The following XKR6 variants were observed in gnomAD, a reference collection of about 807,000 sequenced individuals.
XKR6 encodes the protein XK related 6.
Under a neutral mutation model 56.7 loss-of-function variants are expected in XKR6, and 22 were observed. The observed-to-expected ratio is 0.39, with a 90% CI of 0.28 to 0.55. The LOEUF is 0.55. Among genes scored for constraint, XKR6 ranks in the 20% least tolerant of loss-of-function variants. The pLI is 0.66. For synonymous variants in XKR6, 524 were observed against 387.8 expected (o/e 1.35, Z -4.13); for missense variants, 852 against 889.0 (o/e 0.96, Z 0.53).
chr8:10,924,609 CG>C, intron 2 of XKR6, 24 bp downstream of exon 2: 1 of 1,585,042 alleles, frequency 6.3e-7, no homozygotes. Flanking sequence ...GCCGGGGTGG[CG>C]GGGCGCGGCC....
chr8:11,108,794 T>G (rs1367366467), intron 1 of XKR6: 1 of 169,144 alleles, frequency 5.9e-6, no homozygotes, highest in Non-Finnish European at 1.2e-5. Flanking sequence ...TCTTCTGGAT[T>G]GGGGCTTCCT....
chr8:11,027,112 C>T (rs1264850174), intron 1 of XKR6, among the ~76,000 whole-genome samples: 1 of 152,226 alleles, frequency 6.6e-6, no homozygotes, highest in East Asian at 1.9e-4. Flanking sequence ...TAGCCTGTTG[C>T]TCCTAGGCTA....
At chr8:11,114,539 T>C (rs573355869) in intron 1 of XKR6, among the ~76,000 whole-genome samples, 2 of 152,280 alleles carry the variant, frequency 1.3e-5, no homozygotes, top group Non-Finnish European at 2.9e-5. Context: ...TCTTGTATTT[T>C]TAGTAGACAC....
At chr8:11,127,058 G>T (rs1046335387) in intron 1 of XKR6, among the ~76,000 whole-genome samples, 2 of 152,078 alleles carry the variant, frequency 1.3e-5, no homozygotes, top group African/African-American at 2.4e-5. Context: ...TTACAACAGG[G>T]TTATACTCTA....
chr8:11,156,785 C>A (rs1801542540), intron 1 of XKR6, among the ~76,000 whole-genome samples: 1 of 151,962 alleles, frequency 6.6e-6, no homozygotes, highest in Non-Finnish European at 1.5e-5. Context: ...TAAATACTCC[C>A]CAGTCCAGGA....
At position 10,898,133 on chromosome 8, in the gene XKR6, C is replaced by G. The variant is rs780479544; in HGVS notation, c.1745G>C (p.Gly582Ala). 9.3e-6 allele frequency: 15 copies of G among 1,614,026 alleles called. No homozygotes were observed. Among genetic ancestry groups the G allele is most frequent in the Non-Finnish European group, 1.3e-5 (15 of 1,179,972 alleles). ...TGGCATGTCAATCTTAATGAGGGGC[C>G]CTTCTGGGAGGTAAGGACGCCCCAA... ...TPLGRPYLPE[G>A]PLIKIDMPRK... The change falls in exon 3 of 3, where the codon GGG becomes GCG. Residue 582 changes from glycine (G) to alanine (A), a missense_variant. This residue lies in a region of XKR6 where 197 missense variants were observed against 190.9 expected (regional missense o/e 1.03). Coordinates refer to ENST00000416569, the MANE Select transcript of XKR6 (RefSeq NM_173683.4). This position sits in a 1 kb window ranked among gnomAD's most constrained non-coding sequence, Gnocchi z 6.6.
At chr8:11,163,698 C>G (rs942000315) in intron 1 of XKR6, among the ~76,000 whole-genome samples, 2 of 152,202 alleles carry the variant, frequency 1.3e-5, no homozygotes, top group African/African-American at 4.8e-5. Context: ...TTCTACCGCA[C>G]TGACTTTGTG....
chr8:11,007,012 T>C (rs973313952), intron 1 of XKR6, among the ~76,000 whole-genome samples: 1 of 152,174 alleles, frequency 6.6e-6, no homozygotes, highest in Non-Finnish European at 1.5e-5. Flanking sequence ...TTCTGGGTAA[T>C]GGACCCCAAG....
rs979549481 is a variant in XKR6 at position 11,127,143 on chromosome 8, C to T, written c.764+73433G>A. ...ATCACTTTCATGAATAACCAACTCCCTTCCGGCAATCCCACTTCTTAACGA... is the reference window on the plus strand; with the variant it reads ...ATCACTTTCATGAATAACCAACTCCTTTCCGGCAATCCCACTTCTTAACGA... On this transcript the variant is annotated intron_variant, in intron 1 of 2. Transcript: ENST00000416569. 2.6e-5 allele frequency among the ~76,000 whole-genome samples: 4 copies of T among 152,158 alleles called. No homozygotes were observed. In the East Asian group the frequency reaches 5.8e-4, roughly 22 times the overall value.
At chr8:11,087,268 C>A (rs576346384) in intron 1 of XKR6, among the ~76,000 whole-genome samples, 3 of 152,322 alleles carry the variant, frequency 2.0e-5, no homozygotes, top group South Asian at 2.1e-4. Context: ...TCCCACTTGG[C>A]CTCCACTATT....
At chr8:11,192,299 C>T (rs1257187100) in intron 1 of XKR6, among the ~76,000 whole-genome samples, 1 of 152,086 alleles carries the variant, frequency 6.6e-6, no homozygotes, top group Non-Finnish European at 1.5e-5. Context: ...GCTGGGACTA[C>T]AGGCGCGTGC....
chr8:10,981,243 G>A (rs1024987017), intron 1 of XKR6, among the ~76,000 whole-genome samples: 19 of 152,176 alleles, frequency 1.2e-4, no homozygotes, highest in African/African-American at 4.3e-4. Context: ...CAGAGCATAC[G>A]AGGGGGTAAA....
In XKR6 at chr8:10,898,533, C is replaced by G; in HGVS notation, c.1345G>C (p.Val449Leu). 1 of 1,614,136 alleles carries G rather than the reference C, an allele frequency of 6.2e-7. No homozygotes were observed. The highest frequency in any genetic ancestry group is 1.3e-5 in the African/African-American group (1 of 75,064). ...GTCAAGGCAGCATTCTCGGTCAAGA[C>G]TATCGTATAATATGCAAACATTCGA... ...RYRMFAYYTI[V>L]LTENAALTFL... Residue 449 changes from valine to leucine, a missense_variant, in exon 3 of 3, where the codon GTC becomes CTC. Physicochemically the swap from Val to Leu is conservative, Grantham distance 32. Coordinates refer to ENST00000416569, the MANE Select transcript of XKR6 (RefSeq NM_173683.4). This position sits in a 1 kb window ranked among gnomAD's most constrained non-coding sequence, Gnocchi z 6.6.
At chr8:11,191,852 A>C (rs1429582153) in intron 1 of XKR6, among the ~76,000 whole-genome samples, 1 of 152,190 alleles carries the variant, frequency 6.6e-6, no homozygotes, top group African/African-American at 2.4e-5. Context: ...AACAGCTATT[A>C]GATGATTTTA....
At chr8:11,198,517 A>G (rs1804016380) in intron 1 of XKR6, among the ~76,000 whole-genome samples, 2 of 65,832 alleles carry the variant, frequency 3.0e-5, no homozygotes, top group Admixed American at 1.2e-4. Flanking sequence ...TTAAGATCAG[A>G]AAAAAAAAAA....
chr8:11,009,120 T>C (rs886917617), intron 1 of XKR6, among the ~76,000 whole-genome samples: 3 of 151,994 alleles, frequency 2.0e-5, no homozygotes, highest in Non-Finnish European at 4.4e-5. Context: ...TTCTGGAGCT[T>C]CTTGATCTTT....
chr8:10,994,243 G>A (rs577553826), intron 1 of XKR6, among the ~76,000 whole-genome samples: 10 of 152,150 alleles, frequency 6.6e-5, no homozygotes, highest in African/African-American at 1.9e-4. Flanking sequence ...TGAGCTTTTC[G>A]TGCACCTTCA....
At chr8:11,194,187 C>G (rs1192575325) in intron 1 of XKR6, among the ~76,000 whole-genome samples, 1 of 152,172 alleles carries the variant, frequency 6.6e-6, no homozygotes. Flanking sequence ...TTTCAAAGCA[C>G]AAATACCTGT....
At chr8:10,911,234 GTGT>G (rs1800351022) in intron 2 of XKR6, among the ~76,000 whole-genome samples, 1 of 137,702 alleles carries the variant, frequency 7.3e-6, no homozygotes, top group African/African-American at 3.1e-5. Context: ...GTGTGTGTGT[GTGT>G]ATAGAGAGAG....
Sources: allele counts gnomAD v4.1 joint callset (sites outside exome capture counted in the v4.1 genomes callset), GRCh38; gene constraint gnomAD v4.1.1; regional missense constraint gnomAD v4.1.1; non-coding constraint Gnocchi (gnomAD v3.1); transcripts MANE v1.5; gene names NCBI Gene and HGNC (gene_info 2026-07-23, HGNC 2026-07-21).